The following ICAM5 variants were observed in gnomAD, a reference collection of about 807,000 sequenced individuals.
ICAM5 encodes intercellular adhesion molecule 5, also known as ICAM-5.
Under a neutral mutation model 78.8 loss-of-function variants are expected in ICAM5, and 38 were observed. The ratio of observed to expected loss-of-function variants is 0.48; its 90% CI spans 0.37 to 0.63. The LOEUF (loss-of-function observed/expected upper bound fraction) is 0.63. ICAM5 is among the 30% of genes least tolerant of loss of function. The pLI is 0.00. For synonymous variants in ICAM5, 544 were observed against 590.9 expected (o/e 0.92, Z 1.15); for missense variants, 1,059 against 1,303.0 (o/e 0.81, Z 2.88).
At position 10,295,255 on chromosome 19, in the gene ICAM5, G is replaced by A. The variant is rs2040210626; in HGVS notation, c.2231-91G>A. 7 of 1,363,540 alleles carry A rather than the reference G, an allele frequency of 5.1e-6. No individual in the cohort carries two copies. The Admixed American group carries it at 2.1e-4, about 41-fold the overall frequency. The allele number at this position is 1,363,540 out of a possible 1,614,324, so 84.5% of individuals were successfully genotyped here. On this transcript the variant is annotated intron_variant, in intron 9 of 10. Coordinates refer to ENST00000221980, the MANE Select transcript of ICAM5 (RefSeq NM_003259.4). Reference sequence around the variant, plus strand: ...CTCTTCTGCCCATCAGAGGCGCGGTGGTCTCCCATCGATCGTTGTGGGCCG... The same window carrying A: ...CTCTTCTGCCCATCAGAGGCGCGGTAGTCTCCCATCGATCGTTGTGGGCCG...
At position 10,292,227 on chromosome 19, in the gene ICAM5, C is replaced by G. The variant is rs1171270422; in HGVS notation, c.866C>G (p.Thr289Arg). The change falls in exon 4 of 11, where the codon ACA (threonine) becomes AGA (arginine). Residue 289 changes from threonine to arginine, a missense_variant. Around this residue, in one of 3 missense-constraint regions of ICAM5, gnomAD observed 815 missense variants for 952.8 expected, o/e 0.86. Coordinates refer to ENST00000221980, the MANE Select transcript of ICAM5 (RefSeq NM_003259.4). ...GDAFVATATA[T>R]ASAEQEGARQ... ...GCATTCGTGGCCACTGCCACAGCCA[C>G]AGCTAGCGCAGAGCAGGAGGGTGCC... The G allele has an allele frequency of 3.7e-6, 6 of 1,613,104 alleles. No individual in the cohort carries two copies. The highest frequency in any genetic ancestry group is 5.1e-6 in the Non-Finnish European group (6 of 1,179,906).
Position 10,294,248 on chromosome 19 carries a change from C to T in ICAM5, c.1920C>T (p.Pro640=), listed in dbSNP as rs915300125. The change falls in exon 8 of 11, where the codon CCC becomes CCT. Residue 640 remains proline, a synonymous_variant. Coordinates refer to ENST00000221980, the MANE Select transcript of ICAM5 (RefSeq NM_003259.4). This position sits in a 1 kb window ranked among gnomAD's most constrained non-coding sequence, Gnocchi z 7.7. The part of the protein sequence containing the change: ...RAPRIPRVLA[P]GIYVCNATNR... Reference sequence around the variant, plus strand: ...CCAGAATCCCTAGAGTCCTGGCACCCGGTATCTACGTCTGCAACGCCACCA... The same window carrying T: ...CCAGAATCCCTAGAGTCCTGGCACCTGGTATCTACGTCTGCAACGCCACCA... 32 of 1,613,798 alleles carry T rather than the reference C, an allele frequency of 2.0e-5. No individual in the cohort carries two copies. In the African/African-American group the frequency reaches 2.7e-4, roughly 13 times the overall value.
rs2040223686 is a variant in ICAM5 at position 10,296,682 on chromosome 19, CTTTA to C, written c.*75_*78del. The C allele has an allele frequency of 3.4e-6, 4 of 1,164,460 alleles. No homozygotes were observed. Among genetic ancestry groups the C allele is most frequent in the Admixed American group, 9.1e-5 (2 of 21,870 alleles). 72.1% of individuals were successfully genotyped at this position (1,164,460 alleles called of 1,614,324 possible). ...GACTCACACGGGGGCTTATTTATTG[CTTTA>C]TTTATTTACTTATTCATTTATTTAT... On this transcript the variant is annotated 3_prime_UTR_variant, in exon 11 of 11. Coordinates refer to ENST00000221980, the MANE Select transcript of ICAM5 (RefSeq NM_003259.4).
rs767111591 is a variant in ICAM5, at chr19:10,291,492, G to T, written c.356G>T (p.Arg119Leu). Reference protein sequence around the residue: ...QARGLIRTFQRPDRVELMPLP... With the variant: ...QARGLIRTFQLPDRVELMPLP... ...TGCGGACTCTTCCCCCTTGCAGAGC[G>T]ACCAGATCGCGTAGAGCTGATGCCG... The change falls in exon 3 of 11, where the codon CGA becomes CTA. Residue 119 changes from arginine (R) to leucine (L), a missense_variant. Physicochemically the swap from Arg to Leu is moderately radical, Grantham distance 102. Transcript: ENST00000221980. 6.2e-7 allele frequency: 1 copy of T among 1,612,304 alleles called. No individual in the cohort carries two copies.
Position 10,293,949 on chromosome 19 carries a change from T to A in ICAM5, c.1711+6T>A. On this transcript the variant is annotated splice_donor_region_variant and intron_variant, in intron 7 of 10. Transcript: ENST00000221980. This position sits in a 1 kb window ranked among gnomAD's most constrained non-coding sequence, Gnocchi z 5.0. Reference sequence around the variant, plus strand: ...TGTGGCCGTCACGGTGGAATGTGAGTAGGGGCACCGCGGAGTTAGGCAGGA... The same window carrying A: ...TGTGGCCGTCACGGTGGAATGTGAGAAGGGGCACCGCGGAGTTAGGCAGGA... 6.2e-7 allele frequency: 1 copy of A among 1,611,110 alleles called. No individual in the cohort carries two copies. The highest frequency in any genetic ancestry group is 1.1e-5 in the South Asian group (1 of 90,976).
rs752833273 is a variant in ICAM5 at position 10,291,700 on chromosome 19, G to A, written c.564G>A (p.Arg188=). The A allele has an allele frequency of 1.2e-6, 2 of 1,612,694 alleles. No individual in the cohort carries two copies. The highest frequency in any genetic ancestry group is 1.7e-6 in the Non-Finnish European group (2 of 1,179,972). Residue 188 remains arginine (R), a synonymous_variant, in exon 3 of 11, where the codon CGG becomes CGA. Transcript: ENST00000221980. The part of the protein sequence containing the change: ...GAVLTATVLA[R]REDHGANFSC... ...TGCTCACAGCCACGGTACTGGCTCG[G>A]AGGGAGGACCATGGAGCCAATTTCT...
At chr19:10,292,398 G>T (rs959387664) in intron 4 of ICAM5, 76 bp downstream of exon 4, 1 of 1,480,010 alleles carries the variant, frequency 6.8e-7, no homozygotes, top group South Asian at 1.3e-5. Flanking sequence ...AGAGTGGGCG[G>T]GACCTCAGTA....
Position 10,295,586 on chromosome 19 carries a change from C to A in ICAM5, c.2471C>A (p.Ala824Glu), listed in dbSNP as rs1363282528. 13 of 1,543,886 alleles carry A rather than the reference C, an allele frequency of 8.4e-6. No homozygotes were observed. The highest frequency in any genetic ancestry group is 9.6e-6 in the Non-Finnish European group (11 of 1,146,222). ...CAATNAHGRH[A>E]RRITVRVAGP... ...GCCACCAACGCGCACGGGCGCCACG[C>A]GCGGCGCATCACGGTGCGCGTGGCC... The change falls in exon 10 of 11, where the codon GCG becomes GAG. Residue 824 changes from alanine (A) to glutamate (E), a missense_variant. Coordinates refer to ENST00000221980, the MANE Select transcript of ICAM5 (RefSeq NM_003259.4).
At position 10,296,762 on chromosome 19, in the gene ICAM5, A is replaced by C; in HGVS notation, c.*146A>C. The C allele has an allele frequency of 4.6e-6, 3 of 646,552 alleles. No homozygotes were observed. The highest frequency in any genetic ancestry group is 7.6e-5 in the South Asian group (1 of 13,176). The allele number at this position is 646,552 out of a possible 1,614,324, so 40.1% of individuals were successfully genotyped here. A position where few individuals can be genotyped will look rare whatever the true frequency, so the allele number is the denominator to read the frequency against. ...CCATTTTCTACCCATCCCCTCAATA[A>C]AGTTTTTATAAAGGAACTCCCTGTC... On this transcript the variant is annotated 3_prime_UTR_variant, in exon 11 of 11. Coordinates refer to ENST00000221980, the MANE Select transcript of ICAM5 (RefSeq NM_003259.4).
Position 10,296,399 on chromosome 19 carries a change from G to A in ICAM5, c.2558G>A (p.Gly853Glu). 1 of 1,274,178 alleles carries A rather than the reference G, an allele frequency of 7.8e-7. No homozygotes were observed. The highest frequency in any genetic ancestry group is 1.0e-6 in the Non-Finnish European group (1 of 1,001,898). 78.9% of individuals were successfully genotyped at this position (1,274,178 alleles called of 1,614,324 possible). A position where few individuals can be genotyped will look rare whatever the true frequency, so the allele number is the denominator to read the frequency against. Reference sequence around the variant, plus strand: ...GGGGGCGCGGCGCTGCTGGCCGCGGGGGCCGGCCTGGCCTTCTACGTGCAG... The same window carrying A: ...GGGGGCGCGGCGCTGCTGGCCGCGGAGGCCGGCCTGGCCTTCTACGTGCAG... ...AAGGAALLAA[G>E]AGLAFYVQST... The change falls in exon 11 of 11, where the codon GGG becomes GAG. Residue 853 changes from glycine to glutamate, a missense_variant. Physicochemically the swap from Gly to Glu is moderately conservative, Grantham distance 98. Around this residue, in one of 3 missense-constraint regions of ICAM5, gnomAD observed 109 missense variants for 120.0 expected, o/e 0.91. Coordinates refer to ENST00000221980, the MANE Select transcript of ICAM5 (RefSeq NM_003259.4).
At position 10,290,192 on chromosome 19, in the gene ICAM5, C is replaced by A; in HGVS notation, c.82+67C>A. ...GGAGTCCCTGGACCTGAGAAACGGC[C>A]TCCTGTCCCTCCCAGCTCTGCCCTC... On this transcript the variant is annotated intron_variant, in intron 1 of 10. Coordinates refer to ENST00000221980, the MANE Select transcript of ICAM5 (RefSeq NM_003259.4). The surrounding 1 kb of genome is among the most constrained non-coding windows in gnomAD (Gnocchi z 5.7). 8.4e-7 allele frequency: 1 copy of A among 1,194,034 alleles called. No homozygotes were observed. The allele number at this position is 1,194,034 out of a possible 1,614,324, so 74.0% of individuals were successfully genotyped here.
In ICAM5 at chr19:10,294,291, G is replaced by A; in HGVS notation, c.1963G>A (p.Ala655Thr). ...CGCCACCAACCGCCACGGCTCCGTGGCCAAAACAGTCGTCGTGAGCGCGGA... is the reference window on the plus strand; with the variant it reads ...CGCCACCAACCGCCACGGCTCCGTGACCAAAACAGTCGTCGTGAGCGCGGA... Reference protein sequence around the residue: ...CNATNRHGSVAKTVVVSAESP... With the variant: ...CNATNRHGSVTKTVVVSAESP... The change falls in exon 8 of 11, where the codon GCC (alanine) becomes ACC (threonine). Residue 655 changes from alanine (A) to threonine (T), a missense_variant. Around this residue, in one of 3 missense-constraint regions of ICAM5, gnomAD observed 815 missense variants for 952.8 expected, o/e 0.86. Coordinates refer to ENST00000221980, the MANE Select transcript of ICAM5 (RefSeq NM_003259.4). The surrounding 1 kb of genome is among the most constrained non-coding windows in gnomAD (Gnocchi z 7.7). The A allele has an allele frequency of 5.0e-6, 8 of 1,613,158 alleles. No homozygotes were observed. The highest frequency in any genetic ancestry group is 6.8e-6 in the Non-Finnish European group (8 of 1,179,828).
intron 4 of ICAM5, 106 bp downstream of exon 4, chr19:10,292,428 A>AC (rs1555707817): frequency 1.2e-5 from 17 of 1,361,164 alleles, no homozygotes; most frequent in Non-Finnish European, 1.7e-5. Context: ...GCGTGGCCCG[A>AC]GGGGCGGGGC....
In ICAM5 at chr19:10,293,060, C is replaced by G; in HGVS notation, c.1279C>G (p.Gln427Glu). The change falls in exon 6 of 11, where the codon CAG becomes GAG. Residue 427 changes from glutamine (Q) to glutamate (E), a missense_variant. Physicochemically the swap from Gln to Glu is conservative, Grantham distance 29. This residue lies in a region of ICAM5 where 815 missense variants were observed against 952.8 expected (regional missense o/e 0.86). Coordinates refer to ENST00000221980, the MANE Select transcript of ICAM5 (RefSeq NM_003259.4). The surrounding 1 kb of genome is among the most constrained non-coding windows in gnomAD (Gnocchi z 5.0). ...RSWTWPEGPE[Q>E]TLRCEARGNP... ...TTGGACGTGGCCCGAGGGCCCAGAG[C>G]AGACGCTGCGCTGCGAGGCCCGCGG... 6.2e-7 allele frequency: 1 copy of G among 1,610,570 alleles called. No individual in the cohort carries two copies. Among genetic ancestry groups the G allele is most frequent in the South Asian group, 1.1e-5 (1 of 91,058 alleles).
intron 1 of ICAM5, 31 bp from the exon 2 acceptor site, chr19:10,291,041 C>T: frequency 6.3e-7 from 1 of 1,584,674 alleles, no homozygotes; most frequent in Non-Finnish European, 8.6e-7. Flanking sequence ...GGAGTTGGCT[C>T]CCCAGGCTCA....
rs1461891952 is a variant in ICAM5 at position 10,293,931 on chromosome 19, G to A, written c.1699G>A (p.Val567Ile). ...GGGCTCTGCGGCCAAAAATGTGGCC[G>A]TCACGGTGGAATGTGAGTAGGGGCA... is the stretch of plus-strand genomic sequence containing the variant. ...PRGSAAKNVA[V>I]TVEYGPRFEE... is the part of the protein sequence containing the mutation. The change falls in exon 7 of 11, where the codon GTC (valine) becomes ATC (isoleucine). Residue 567 changes from valine (V) to isoleucine (I), a missense_variant. By Grantham distance (29) the Val-to-Ile change is conservative (BLOSUM62 3). Coordinates refer to ENST00000221980, the MANE Select transcript of ICAM5 (RefSeq NM_003259.4). This position sits in a 1 kb window ranked among gnomAD's most constrained non-coding sequence, Gnocchi z 5.0. 1.2e-6 allele frequency: 2 copies of A among 1,612,134 alleles called. No individual in the cohort carries two copies. Among genetic ancestry groups the A allele is most frequent in the Non-Finnish European group, 1.7e-6 (2 of 1,179,798 alleles).
rs1233274168 is a variant in ICAM5 at position 10,293,335 on chromosome 19, G to T, written c.1465+89G>T. 6.8e-7 allele frequency: 1 copy of T among 1,480,254 alleles called. No individual in the cohort carries two copies. Among genetic ancestry groups the T allele is most frequent in the African/African-American group, 1.4e-5 (1 of 71,008 alleles). 91.7% of individuals were successfully genotyped at this position (1,480,254 alleles called of 1,614,324 possible). Reference sequence around the variant, plus strand: ...AGGGAAGAGTAGGAGTAGGGTATGAGGTGTCCCTTTGGGTGAGGTTTTGGG... The same window carrying T: ...AGGGAAGAGTAGGAGTAGGGTATGATGTGTCCCTTTGGGTGAGGTTTTGGG... On this transcript the variant is annotated intron_variant, in intron 6 of 10. Coordinates refer to ENST00000221980, the MANE Select transcript of ICAM5 (RefSeq NM_003259.4). The surrounding 1 kb of genome is among the most constrained non-coding windows in gnomAD (Gnocchi z 5.0).
In ICAM5 at chr19:10,290,733, C is replaced by A; in HGVS notation, c.83-339C>A. On this transcript the variant is annotated intron_variant, in intron 1 of 10. Coordinates refer to ENST00000221980, the MANE Select transcript of ICAM5 (RefSeq NM_003259.4). The surrounding 1 kb of genome is among the most constrained non-coding windows in gnomAD (Gnocchi z 5.7). ...CCCTGAGAACTGGTTCATCCCCCAT[C>A]CCCCATCCCGGGTCCCCTTCTCTCA... The A allele has an allele frequency of 4.9e-6, 2 of 408,356 alleles. No individual in the cohort carries two copies. The highest frequency in any genetic ancestry group is 8.8e-6 in the Non-Finnish European group (2 of 226,688). 25.3% of individuals were successfully genotyped at this position (408,356 alleles called of 1,614,324 possible). A position where few individuals can be genotyped will look rare whatever the true frequency, so the allele number is the denominator to read the frequency against.
rs1270478061 is a variant in ICAM5 at position 10,291,217 on chromosome 19, C to A, written c.228C>A (p.Thr76=). 6 of 1,612,314 alleles carry A rather than the reference C, an allele frequency of 3.7e-6. No homozygotes were observed. Among genetic ancestry groups the A allele is most frequent in the South Asian group, 3.3e-5 (3 of 91,082 alleles). The change falls in exon 2 of 11, where the codon ACC becomes ACA. Residue 76 remains threonine, a synonymous_variant. Coordinates refer to ENST00000221980, the MANE Select transcript of ICAM5 (RefSeq NM_003259.4). ...AGACCTCGCTGCGCCGAAACGGGAC[C>A]CAGAGGGGTTTGCGTTGGTTGGCGC... is the stretch of plus-strand genomic sequence containing the variant. ...GLETSLRRNG[T]QRGLRWLARQ...
Sources: allele counts gnomAD v4.1 joint callset, GRCh38; gene constraint gnomAD v4.1.1; regional missense constraint gnomAD v4.1.1; non-coding constraint Gnocchi (gnomAD v3.1); transcripts MANE v1.5; gene names NCBI Gene and HGNC (gene_info 2026-07-23, HGNC 2026-07-21).